DPP10: variants seen among roughly 807,000 people sequenced by gnomAD.
DPP10 encodes the protein dipeptidyl peptidase like 10.
Under a neutral mutation model 120.9 loss-of-function variants are expected in DPP10, and 33 were observed. That is an observed-to-expected ratio of 0.27 (90% CI 0.21 to 0.37). The LOEUF (loss-of-function observed/expected upper bound fraction) is 0.37. Ranked by LOEUF, DPP10 falls within the 10% of genes least tolerant of loss-of-function variation. The pLI is 1.00. For synonymous variants in DPP10, 337 were observed against 326.1 expected (o/e 1.03, Z -0.36); for missense variants, 816 against 942.8 (o/e 0.87, Z 1.76).
chr2:115,279,421 G>A (rs1241128178), intron 1 of DPP10, among the ~76,000 whole-genome samples: 1 of 152,090 alleles, frequency 6.6e-6, no homozygotes, highest in Non-Finnish European at 1.5e-5. Flanking sequence ...TGCCTAGCAT[G>A]AATTGGGGCA....
At chr2:115,646,635 G>A (rs923713883) in intron 5 of DPP10, among the ~76,000 whole-genome samples, 13 of 152,140 alleles carry the variant, frequency 8.5e-5, no homozygotes, top group Non-Finnish European at 1.8e-4. Context: ...GAAAGATTTT[G>A]ACACCATTTA....
intron 2 of DPP10, among the ~76,000 whole-genome samples, chr2:115,312,566 T>A (rs746726655): frequency 6.6e-6 from 1 of 152,140 alleles, no homozygotes; most frequent in African/African-American, 2.4e-5. Context: ...ATCAAGGCCA[T>A]GTACACTCTT....
intron 5 of DPP10, among the ~76,000 whole-genome samples, chr2:115,633,530 T>A (rs1330157780): frequency 1.3e-5 from 2 of 151,956 alleles, no homozygotes; most frequent in African/African-American, 4.8e-5. Context: ...TGTATACATA[T>A]GTAACAAACC....
At chr2:114,726,907 C>G (rs558235431) in intron 1 of DPP10, among the ~76,000 whole-genome samples, 195 of 152,254 alleles carry the variant, frequency 1.3e-3, no homozygotes, top group African/African-American at 4.6e-3. Context: ...TTTTATCATA[C>G]ATAAATATAG....
intron 1 of DPP10, among the ~76,000 whole-genome samples, chr2:115,112,819 T>C (rs1180894927): frequency 6.6e-6 from 1 of 152,226 alleles, no homozygotes; most frequent in Non-Finnish European, 1.5e-5. Flanking sequence ...TCTTTTATTT[T>C]GGCAGCATTC....
At chr2:115,003,219 C>T (rs922904697) in intron 1 of DPP10, among the ~76,000 whole-genome samples, 2 of 145,822 alleles carry the variant, frequency 1.4e-5, no homozygotes, top group South Asian at 2.2e-4. Context: ...TTTGCAGTGA[C>T]ATGGGTGAAA....
intron 13 of DPP10, among the ~76,000 whole-genome samples, chr2:115,771,999 T>G (rs980797203): frequency 5.5e-5 from 8 of 145,774 alleles, no homozygotes; most frequent in South Asian, 2.2e-4. Context: ...TTTTAGTGGG[T>G]TTTTTTTTTT....
chr2:115,324,188 A>G (rs1482498833), intron 2 of DPP10, among the ~76,000 whole-genome samples: 3 of 152,168 alleles, frequency 2.0e-5, no homozygotes, highest in Non-Finnish European at 4.4e-5. Context: ...AGGCAGGAGA[A>G]TCACTTGAAC....
chr2:115,733,152 TATC>T (rs1318733239), intron 8 of DPP10, among the ~76,000 whole-genome samples: 1 of 152,188 alleles, frequency 6.6e-6, no homozygotes, highest in East Asian at 1.9e-4. Context: ...GCAATATTCT[TATC>T]AGCAGATTCT....
rs79589346 is a variant in DPP10, at chr2:114,955,303, G to A, written c.61-353936G>A. 7.3e-3 allele frequency among the ~76,000 whole-genome samples: 1,111 copies of A among 152,240 alleles called. 9 individuals are homozygous for A. The highest frequency in any genetic ancestry group is 0.013 in the Non-Finnish European group (852 of 68,008). On this transcript the variant is annotated intron_variant, in intron 1 of 25. Transcript: ENST00000410059. ...TCTTGTCACCATTTTGGTTTTGGCC[G>A]GCTCCTTTACTGCAACCTGTTTTAT...
intron 1 of DPP10, among the ~76,000 whole-genome samples, chr2:114,477,893 A>ATGTGTG (rs1680614435): frequency 8.0e-6 from 1 of 125,006 alleles, no homozygotes; most frequent in African/African-American, 2.8e-5. Flanking sequence ...ATATATGTAC[A>ATGTGTG]TATGTGTATA....
intron 19 of DPP10, among the ~76,000 whole-genome samples, chr2:115,810,976 G>A (rs1012624033): frequency 3.3e-5 from 5 of 152,316 alleles, no homozygotes; most frequent in African/African-American, 1.2e-4. Flanking sequence ...AGTACATTCT[G>A]TGTGGTTATC....
chr2:114,934,936 A>G (rs1696345062), intron 1 of DPP10, among the ~76,000 whole-genome samples: 2 of 152,192 alleles, frequency 1.3e-5, no homozygotes, highest in Non-Finnish European at 2.9e-5. Flanking sequence ...TAATTGGCAA[A>G]TTATTACATC....
chr2:114,782,038 C>A (rs1682373512), intron 1 of DPP10, among the ~76,000 whole-genome samples: 1 of 151,962 alleles, frequency 6.6e-6, no homozygotes, highest in African/African-American at 2.4e-5. Context: ...TTGGCCAACC[C>A]TGGGTATTAT....
chr2:115,139,935 G>T lies in DPP10; in HGVS notation c.61-169304G>T, dbSNP rs377367098. ...TAGAAGTTGAATCCTATGGGAGAGGGCATAGCATTCATGTACCATGACAGA... is the reference window on the plus strand; with the variant it reads ...TAGAAGTTGAATCCTATGGGAGAGGTCATAGCATTCATGTACCATGACAGA... On this transcript the variant is annotated intron_variant, in intron 1 of 25. Transcript: ENST00000410059. Among the ~76,000 whole-genome samples, 36 of 152,136 alleles carry T rather than the reference G, an allele frequency of 2.4e-4. No homozygotes were observed. The East Asian group carries it at 7.0e-3, about 30-fold the overall frequency.
chr2:115,475,726 C>T (rs1338433097), intron 3 of DPP10, among the ~76,000 whole-genome samples: 2 of 152,172 alleles, frequency 1.3e-5, no homozygotes, highest in East Asian at 1.9e-4. Context: ...GTGGAGCTGC[C>T]CAAGGCTTTG....
intron 19 of DPP10, among the ~76,000 whole-genome samples, chr2:115,793,715 A>G (rs1397957159): frequency 1.3e-5 from 2 of 152,024 alleles, no homozygotes; most frequent in Non-Finnish European, 2.9e-5. Context: ...TGAGTATAAA[A>G]TCATTTCTAG....
At chr2:115,210,888 C>T (rs533393103) in intron 1 of DPP10, among the ~76,000 whole-genome samples, 8 of 151,602 alleles carry the variant, frequency 5.3e-5, no homozygotes, top group Non-Finnish European at 7.4e-5. Flanking sequence ...TAAATTTGTG[C>T]GTCCTCTTCT....
intron 5 of DPP10, among the ~76,000 whole-genome samples, chr2:115,586,528 A>C (rs934183540): frequency 1.8e-4 from 27 of 151,980 alleles, no homozygotes; most frequent in Admixed American, 6.5e-5. Flanking sequence ...GCCTTATTAC[A>C]CTCTCTATGA....
Sources: allele counts gnomAD v4.1 joint callset (sites outside exome capture counted in the v4.1 genomes callset), GRCh38; gene constraint gnomAD v4.1.1; transcripts MANE v1.5; gene names NCBI Gene and HGNC (gene_info 2026-07-23, HGNC 2026-07-21).